SPATA17: variants seen among roughly 807,000 people sequenced by gnomAD.
SPATA17 encodes spermatogenesis-associated protein 17.
SPATA17 carries 53 observed loss-of-function variants against 62.2 expected under a neutral mutation model. The ratio of observed to expected loss-of-function variants is 0.85; its 90% CI spans 0.68 to 1.07. The LOEUF (loss-of-function observed/expected upper bound fraction) is 1.07. Among genes scored for constraint, SPATA17 ranks in the 50% least tolerant of loss-of-function variants. The probability of loss-of-function intolerance (pLI) is 0.00; values close to 1 mark genes in which losing one functional copy is unlikely to be tolerated. For synonymous variants in SPATA17, 146 were observed against 146.8 expected (o/e 0.99, Z 0.04); for missense variants, 466 against 425.5 (o/e 1.10, Z -0.84).
chr1:217,677,607 G>T (rs1428630387), intron 4 of SPATA17, among the ~76,000 whole-genome samples: 1 of 152,044 alleles, frequency 6.6e-6, no homozygotes, highest in Non-Finnish European at 1.5e-5. Context: ...GCCTATGGAA[G>T]AAAAGAAGGG....
intron 9 of SPATA17, among the ~76,000 whole-genome samples, chr1:217,854,465 A>G (rs1675732466): frequency 6.6e-6 from 1 of 152,296 alleles, no homozygotes; most frequent in African/African-American, 2.4e-5. Context: ...GGTCACTCTG[A>G]GAAGTCCTGT....
intron 6 of SPATA17, among the ~76,000 whole-genome samples, chr1:217,761,943 C>T (rs145119382): frequency 9.9e-4 from 151 of 152,282 alleles, no homozygotes; most frequent in Admixed American, 1.9e-3. Flanking sequence ...AGAGGTCACC[C>T]GTCACCTTCT....
chr1:217,778,877 C>T (rs1377172537), intron 7 of SPATA17, among the ~76,000 whole-genome samples: 1 of 152,152 alleles, frequency 6.6e-6, no homozygotes, highest in Admixed American at 6.5e-5. Flanking sequence ...CTCTGTTTCT[C>T]AATACAACCT....
intron 6 of SPATA17, among the ~76,000 whole-genome samples, chr1:217,747,556 GTTATC>G (rs1175689991): frequency 7.2e-5 from 11 of 152,080 alleles, no homozygotes; most frequent in African/African-American, 9.7e-5. Context: ...CACGGCAATA[GTTATC>G]TTATTAGTGA....
At chr1:217,658,807 C>T (rs1670501699) in intron 3 of SPATA17, among the ~76,000 whole-genome samples, 1 of 152,064 alleles carries the variant, frequency 6.6e-6, no homozygotes, top group Non-Finnish European at 1.5e-5. Flanking sequence ...ATTAGTCTGT[C>T]TCAGTATTCC....
At chr1:217,814,912 A>G (rs79685925) in intron 9 of SPATA17, among the ~76,000 whole-genome samples, 1 of 152,282 alleles carries the variant, frequency 6.6e-6, no homozygotes, top group African/African-American at 2.4e-5. Flanking sequence ...TCTTCTCTGC[A>G]TTGTTACTCA....
chr1:217,741,521 T>C (rs1340874218), intron 5 of SPATA17, among the ~76,000 whole-genome samples: 1 of 152,180 alleles, frequency 6.6e-6, no homozygotes, highest in Non-Finnish European at 1.5e-5. Flanking sequence ...TAAGTGTATG[T>C]ATAAAACCTG....
intron 4 of SPATA17, among the ~76,000 whole-genome samples, chr1:217,672,167 G>C (rs974577906): frequency 6.6e-6 from 1 of 152,172 alleles, no homozygotes; most frequent in African/African-American, 2.4e-5. Flanking sequence ...AGATACCTTT[G>C]TGTTGTGTAT....
intron 5 of SPATA17, among the ~76,000 whole-genome samples, chr1:217,688,465 T>C (rs1238700007): frequency 6.6e-6 from 1 of 152,174 alleles, no homozygotes. Flanking sequence ...GAGATCTCTT[T>C]TAAGTCATTT....
intron 5 of SPATA17, among the ~76,000 whole-genome samples, chr1:217,735,065 C>T (rs1672482165): frequency 6.6e-6 from 1 of 152,150 alleles, no homozygotes; most frequent in South Asian, 2.1e-4. Context: ...ATGAAATATA[C>T]TAGTCAACTG....
intron 5 of SPATA17, among the ~76,000 whole-genome samples, chr1:217,707,354 A>G (rs926413629): frequency 2.6e-5 from 4 of 152,124 alleles, no homozygotes; most frequent in Admixed American, 2.0e-4. Context: ...CTTGGTGTAG[A>G]ATCATATCAT....
intron 1 of SPATA17, among the ~76,000 whole-genome samples, chr1:217,642,233 T>G (rs1466019895): frequency 6.6e-6 from 1 of 152,222 alleles, no homozygotes; most frequent in East Asian, 1.9e-4. Flanking sequence ...TTTTTTCCTT[T>G]GTAATTTATA....
At chr1:217,712,442 A>T (rs560733392) in intron 5 of SPATA17, among the ~76,000 whole-genome samples, 2 of 152,020 alleles carry the variant, frequency 1.3e-5, no homozygotes, top group Admixed American at 6.6e-5. Flanking sequence ...ATGTTCTTAT[A>T]TTATGTCTTA....
At chr1:217,667,070 C>T (rs550412267) in intron 3 of SPATA17, among the ~76,000 whole-genome samples, 26 of 113,354 alleles carry the variant, frequency 2.3e-4, no homozygotes, top group Admixed American at 4.5e-4. Context: ...TTTTTTGTGA[C>T]GGAGTCTCAC....
At chr1:217,675,118 G>A (rs1294042333) in intron 4 of SPATA17, among the ~76,000 whole-genome samples, 1 of 152,130 alleles carries the variant, frequency 6.6e-6, no homozygotes, top group Non-Finnish European at 1.5e-5. Context: ...CAAGGCATTT[G>A]TCTGACTCCT....
At chr1:217,634,897 T>TTTGTTGTTG (rs140552696) in intron 1 of SPATA17, among the ~76,000 whole-genome samples, 2 of 149,946 alleles carry the variant, frequency 1.3e-5, no homozygotes, top group Admixed American at 6.6e-5. Flanking sequence ...TATTGGCCTT[T>TTTGTTGTTG]TTGTTGTTGT....
chr1:217,786,751 T>TTCTTCC (rs1553252155), intron 8 of SPATA17, among the ~76,000 whole-genome samples: 17 of 12,612 alleles, frequency 1.3e-3, no homozygotes, highest in African/African-American at 4.6e-3. Flanking sequence ...GATATTCTCT[T>TTCTTCC]TCTTCTTCTT....
At chr1:217,719,002 C>A (rs1417143280) in intron 5 of SPATA17, among the ~76,000 whole-genome samples, 1 of 152,182 alleles carries the variant, frequency 6.6e-6, no homozygotes, top group Non-Finnish European at 1.5e-5. Flanking sequence ...AAGCCAGAAG[C>A]CTGCAATATC....
intron 5 of SPATA17, among the ~76,000 whole-genome samples, chr1:217,728,827 C>A (rs1449753506): frequency 1.3e-5 from 2 of 152,058 alleles, no homozygotes; most frequent in African/African-American, 2.4e-5. Flanking sequence ...TGAATCTGAA[C>A]AGTTAAGTAG....
Sources: gnomAD v4.1 joint callset for allele counts (sites outside exome capture counted in the v4.1 genomes callset) on GRCh38, gnomAD v4.1.1 for gene constraint, MANE v1.5 for transcripts, NCBI Gene and HGNC (gene_info 2026-07-23, HGNC 2026-07-21) for gene names.